Variants in RGL1 observed in about 807,000 individuals in gnomAD.
RGL1 encodes ral guanine nucleotide dissociation stimulator-like 1.
RGL1 carries 24 observed loss-of-function variants against 95.2 expected under a neutral mutation model. The observed-to-expected ratio is 0.25, with a 90% confidence interval of 0.18 to 0.35. The LOEUF is 0.35. Ranked by LOEUF, RGL1 falls within the 10% of genes least tolerant of loss-of-function variation. The pLI is 1.00. For missense variants in RGL1, 715 were observed against 936.3 expected (o/e 0.76, Z 3.08); for synonymous variants, 329 against 344.9 (o/e 0.95, Z 0.51).
intron 7 of RGL1, among the ~76,000 whole-genome samples, chr1:183,888,212 G>A (rs1400612893): frequency 1.3e-5 from 2 of 152,140 alleles, no homozygotes. Flanking sequence ...TACTAGGAAA[G>A]CTGGAAACTA....
chr1:183,920,612 C>A lies in RGL1; in HGVS notation c.2005-1610C>A, dbSNP rs7543246. 7.8e-3 allele frequency among the ~76,000 whole-genome samples: 1,193 copies of A among 152,284 alleles called. 11 individuals carry two copies. Among genetic ancestry groups the A allele is most frequent in the African/African-American group, 0.023 (941 of 41,556 alleles). On this transcript the variant is annotated intron_variant, in intron 16 of 17. Coordinates refer to ENST00000360851, the MANE Select transcript of RGL1 (RefSeq NM_001297671.3). ...AGCCTGGCTGTCTCATATGACTTAC[C>A]CACCTTAGCCTGACATGCATCCCCT...
chr1:183,800,368 T>G (rs905307061), upstream of RGL1, among the ~76,000 whole-genome samples: 1 of 152,186 alleles, frequency 6.6e-6, no homozygotes, highest in East Asian at 1.9e-4. Flanking sequence ...ATCTATTGGC[T>G]CTGGTAAAAC....
chr1:183,826,608 T>C (rs1245966509), intron 2 of RGL1, among the ~76,000 whole-genome samples: 2 of 152,112 alleles, frequency 1.3e-5, no homozygotes, highest in African/African-American at 4.8e-5. Context: ...GAAAAGTGTA[T>C]AGGTATATAG....
chr1:183,837,961 G>T (rs192023397), intron 2 of RGL1, among the ~76,000 whole-genome samples: 1 of 152,284 alleles, frequency 6.6e-6, no homozygotes, highest in African/African-American at 2.4e-5. Context: ...AGGCAGTAAT[G>T]CTGGCTCACC....
intron 15 of RGL1, among the ~76,000 whole-genome samples, chr1:183,913,718 CAT>C (rs1335668721): frequency 2.0e-5 from 3 of 152,160 alleles, no homozygotes; most frequent in Non-Finnish European, 2.9e-5. Flanking sequence ...TTCAAGGGGA[CAT>C]GTGTGTTGCT....
chr1:183,686,825 A>G (rs1653617319), intron 1 of RGL1, among the ~76,000 whole-genome samples: 1 of 152,178 alleles, frequency 6.6e-6, no homozygotes, highest in Non-Finnish European at 1.5e-5. Context: ...ATTTAAAAAA[A>G]TACATCTCCG....
chr1:183,726,713 A>C (rs1016274150), intron 1 of RGL1, among the ~76,000 whole-genome samples: 2 of 152,172 alleles, frequency 1.3e-5, no homozygotes, highest in African/African-American at 4.8e-5. Flanking sequence ...CAATTCTATC[A>C]GACATTCAAG....
intron 2 of RGL1, among the ~76,000 whole-genome samples, chr1:183,777,309 A>C (rs1659655190): frequency 6.6e-6 from 1 of 152,200 alleles, no homozygotes; most frequent in Non-Finnish European, 1.5e-5. Context: ...TCTTGAGGTT[A>C]GCCAGAGTTT....
At chr1:183,770,729 T>A (rs1270510433) in intron 2 of RGL1, among the ~76,000 whole-genome samples, 1 of 152,216 alleles carries the variant, frequency 6.6e-6, no homozygotes, top group Non-Finnish European at 1.5e-5. Context: ...CATCTCATTG[T>A]CCAGATGTGT....
chr1:183,736,622 T>C (rs1656956197), intron 1 of RGL1, among the ~76,000 whole-genome samples: 2 of 152,148 alleles, frequency 1.3e-5, no homozygotes, highest in Admixed American at 1.3e-4. Context: ...ACCTATCTTA[T>C]CTGGACAGGA....
chr1:183,662,460 A>C lies in RGL1; in HGVS notation c.-33+25959A>C, dbSNP rs1651712138. On this transcript the variant is annotated intron_variant, in intron 1 of 18. Coordinates refer to the RGL1 transcript ENST00000304685. Reference sequence around the variant, plus strand: ...AAATCTTGAGTGAACTCCCATTCACAATTGCTTCAAAGAGAATAAAATACC... The same window carrying C: ...AAATCTTGAGTGAACTCCCATTCACCATTGCTTCAAAGAGAATAAAATACC... 3.3e-5 allele frequency among the ~76,000 whole-genome samples: 5 copies of C among 152,166 alleles called. No homozygotes were observed. The South Asian group carries it at 1.0e-3, about 32-fold the overall frequency.
rs1659757706 is a variant in RGL1, at chr1:183,779,179, CCT to C, written c.133-27195_133-27194del. ...TTTTCCCTTCCTTCCTTCCTTCCTT[CCT>C]TCCTTCCTTCCTTCCTTCCTTCCTT... On this transcript the variant is annotated intron_variant, in intron 2 of 18. Transcript: ENST00000304685. 2.4e-5 allele frequency among the ~76,000 whole-genome samples: 3 copies of C among 124,070 alleles called. No homozygotes were observed. In the South Asian group the frequency reaches 8.7e-4, roughly 36 times the overall value. The allele number at this position is 124,070 out of a possible 152,430, so 81.4% of individuals were successfully genotyped here.
intron 3 of RGL1, 112 bp downstream of exon 3, chr1:183,847,886 A>C: frequency 1.3e-6 from 1 of 761,934 alleles, no homozygotes; most frequent in East Asian, 2.5e-5. Context: ...ATGTGAGGAA[A>C]GATTAACGGG....
intron 9 of RGL1, 106 bp from the exon 10 acceptor site, chr1:183,897,702 G>C (rs891970809): frequency 4.0e-6 from 3 of 748,656 alleles, no homozygotes; most frequent in South Asian, 1.8e-5. Context: ...ATGGTGTTCC[G>C]AGCGAGAGTT....
intron 3 of RGL1, among the ~76,000 whole-genome samples, chr1:183,853,784 C>A (rs1292666009): frequency 6.6e-6 from 1 of 151,844 alleles, no homozygotes; most frequent in African/African-American, 2.4e-5. Flanking sequence ...AAGCTCTTTC[C>A]AAGTGTACAA....
intron 2 of RGL1, among the ~76,000 whole-genome samples, chr1:183,826,993 G>A (rs377192344): frequency 6.6e-6 from 1 of 151,970 alleles, no homozygotes; most frequent in Admixed American, 6.6e-5. Context: ...CATGATCTTG[G>A]CTCACTACAA....
At position 183,883,825 on chromosome 1, in the gene RGL1, A is replaced by G. The variant is rs1429205239; in HGVS notation, c.650A>G (p.Glu217Gly). 80 of 1,613,990 alleles carry G rather than the reference A, an allele frequency of 5.0e-5. No individual in the cohort carries two copies. Among genetic ancestry groups the G allele is most frequent in the Non-Finnish European group, 6.6e-5 (78 of 1,179,940 alleles). Residue 217 changes from glutamate (E) to glycine (G), a missense_variant, in exon 6 of 18, where the codon GAA becomes GGA. Glu to Gly is a moderately conservative substitution (Grantham distance 98). Coordinates refer to ENST00000360851, the MANE Select transcript of RGL1 (RefSeq NM_001297671.3). ...PNTISFSLEE[E>G]EELEGGESAE... ...ACGATCTCCTTCAGCCTGGAAGAGGAAGAGGAACTGGAGGGTGGAGAGTCA... is the reference window on the plus strand; with the variant it reads ...ACGATCTCCTTCAGCCTGGAAGAGGGAGAGGAACTGGAGGGTGGAGAGTCA...
chr1:183,874,521 T>C (rs996458181), intron 4 of RGL1, among the ~76,000 whole-genome samples: 18 of 151,968 alleles, frequency 1.2e-4, no homozygotes, highest in African/African-American at 3.9e-4. Context: ...TTTTTTTTTT[T>C]CTCTTCTCTC....
At chr1:183,670,958 A>G (rs1652402905) in intron 1 of RGL1, among the ~76,000 whole-genome samples, 1 of 152,260 alleles carries the variant, frequency 6.6e-6, no homozygotes. Flanking sequence ...TTTATAAAGG[A>G]AAGAGGTTTA....
Sources: allele counts gnomAD v4.1 joint callset (sites outside exome capture counted in the v4.1 genomes callset), GRCh38; gene constraint gnomAD v4.1.1; transcripts MANE v1.5; gene names NCBI Gene and HGNC (gene_info 2026-07-23, HGNC 2026-07-21).